Variants in OLFM2 observed in about 807,000 individuals in gnomAD.
OLFM2 encodes the protein noelin-2.
OLFM2 carries 20 observed loss-of-function variants against 43.9 expected under a neutral mutation model. That is an observed-to-expected ratio of 0.46 (90% CI 0.32 to 0.66). The LOEUF (loss-of-function observed/expected upper bound fraction) is 0.66, where lower values mean the gene tolerates loss of function less well. Ranked by LOEUF, OLFM2 falls within the 30% of genes least tolerant of loss-of-function variation. The probability of loss-of-function intolerance (pLI) is 0.04; values close to 1 mark genes in which losing one functional copy is unlikely to be tolerated. For missense variants in OLFM2, 416 were observed against 643.6 expected, an observed-to-expected ratio of 0.65 and a Z score of 3.83; for synonymous variants, 268 against 278.6, an observed-to-expected ratio of 0.96 and a Z score of 0.38.
chr19:9,860,477 G>GAA (rs34449861), intron 2 of OLFM2, among the ~76,000 whole-genome samples, 168 bp downstream of exon 2: 280 of 137,944 alleles, frequency 2.0e-3, no homozygotes, highest in Middle Eastern at 3.8e-3. Flanking sequence ...GTGTTAAAAG[G>GAA]AAAAAAAAAA....
In OLFM2 at chr19:9,860,571, G is replaced by A; in HGVS notation, c.213+74C>T. On this transcript the variant is annotated intron_variant, in intron 2 of 5. Coordinates refer to ENST00000264833, the MANE Select transcript of OLFM2 (RefSeq NM_058164.4). The stretch of plus-strand genomic sequence containing the variant: ...GCTGGATATGGCCACTGGCTGACCT[G>A]GATGGGGCTGGAGGGCGGGGTGAGA... 7.3e-6 allele frequency: 11 copies of A among 1,514,406 alleles called. No individual in the cohort carries two copies. The South Asian group carries it at 1.2e-4, about 17-fold the overall frequency. 93.8% of individuals were successfully genotyped at this position (1,514,406 alleles called of 1,614,324 possible). A position where few individuals can be genotyped will look rare whatever the true frequency, so the allele number is the denominator to read the frequency against.
chr19:9,900,989 AGGGAGGGAGGG>A (rs1268306866), intron 1 of OLFM2, among the ~76,000 whole-genome samples: 8 of 30,348 alleles, frequency 2.6e-4, no homozygotes, highest in African/African-American at 1.9e-3. Context: ...GAAGGAAGGA[AGGGAGGGAGGG>A]GGGAGGGAGG....
chr19:9,857,157 A>C lies in OLFM2; in HGVS notation c.580+106T>G, dbSNP rs1390660214. 37 of 1,156,922 alleles carry C rather than the reference A, an allele frequency of 3.2e-5. No individual in the cohort carries two copies. In the East Asian group the frequency reaches 8.2e-4, roughly 26 times the overall value. The allele number at this position is 1,156,922 out of a possible 1,614,324, so 71.7% of individuals were successfully genotyped here. ...AGGAAGGTCAAGGGTTGAGGTTTAA[A>C]AGTTAGAGGTCAAAACTGTGTCCAG... On this transcript the variant is annotated intron_variant, in intron 4 of 5. Coordinates refer to ENST00000264833, the MANE Select transcript of OLFM2 (RefSeq NM_058164.4). This position sits in a 1 kb window ranked among gnomAD's most constrained non-coding sequence, Gnocchi z 5.7.
intron 1 of OLFM2, among the ~76,000 whole-genome samples, chr19:9,888,589 C>A: frequency 6.6e-6 from 1 of 151,798 alleles, no homozygotes; most frequent in South Asian, 2.1e-4. Flanking sequence ...GCCCCAGCAC[C>A]CCCCATCCAC....
intron 1 of OLFM2, among the ~76,000 whole-genome samples, chr19:9,924,103 C>CA (rs1047796253): frequency 0.076 from 1,568 of 20,656 alleles, 82 homozygotes; most frequent in Non-Finnish European, 0.13. Flanking sequence ...CTCGTCTCTA[C>CA]AAAAAAAAAA....
intron 1 of OLFM2, among the ~76,000 whole-genome samples, chr19:9,914,783 G>A (rs561799096): frequency 6.6e-6 from 1 of 152,160 alleles, no homozygotes; most frequent in South Asian, 2.1e-4. Flanking sequence ...GGAGCGCCGG[G>A]CTAGTTTTAA....
At chr19:9,908,627 C>T (rs906131622) in intron 1 of OLFM2, among the ~76,000 whole-genome samples, 18 of 151,988 alleles carry the variant, frequency 1.2e-4, no homozygotes, top group Non-Finnish European at 2.5e-4. Flanking sequence ...TGCAGGCACC[C>T]GCCACCGTGC....
At chr19:9,934,147 G>T (rs897655186) in intron 1 of OLFM2, among the ~76,000 whole-genome samples, 4 of 152,184 alleles carry the variant, frequency 2.6e-5, no homozygotes, top group Non-Finnish European at 4.4e-5. Flanking sequence ...AGCGAAGAGT[G>T]GGTAGAGCAT....
intron 1 of OLFM2, among the ~76,000 whole-genome samples, chr19:9,893,625 A>T (rs1338393753): frequency 6.6e-6 from 1 of 152,166 alleles, no homozygotes; most frequent in Non-Finnish European, 1.5e-5. Flanking sequence ...ATTTCATGGC[A>T]GAAATTTCCC....
intron 1 of OLFM2, among the ~76,000 whole-genome samples, chr19:9,862,958 C>T (rs1424584720): frequency 6.9e-6 from 1 of 145,324 alleles, no homozygotes; most frequent in Non-Finnish European, 1.5e-5. Flanking sequence ...CACTTTACTC[C>T]AGCCTGGGCA....
intron 1 of OLFM2, among the ~76,000 whole-genome samples, chr19:9,914,420 G>C (rs1223999946): frequency 1.3e-5 from 2 of 152,078 alleles, no homozygotes; most frequent in Non-Finnish European, 2.9e-5. Flanking sequence ...CGGTCATTTC[G>C]TGCCCCCAGG....
At chr19:9,877,135 G>C (rs1488075283) in intron 1 of OLFM2, among the ~76,000 whole-genome samples, 1 of 151,090 alleles carries the variant, frequency 6.6e-6, no homozygotes, top group Admixed American at 6.6e-5. Flanking sequence ...GAGGCTGAGG[G>C]ATGAGAATCG....
chr19:9,911,867 A>G (rs1173405513), intron 1 of OLFM2, among the ~76,000 whole-genome samples: 1 of 152,200 alleles, frequency 6.6e-6, no homozygotes, highest in Non-Finnish European at 1.5e-5. Context: ...TCAGATGGCA[A>G]CGGCAAGAAG....
At chr19:9,860,920 C>A (rs2046361764) in intron 1 of OLFM2, 126 bp from the exon 2 acceptor site, 4 of 962,598 alleles carry the variant, frequency 4.2e-6, no homozygotes, top group Non-Finnish European at 4.5e-6. Flanking sequence ...TATGCCAGTG[C>A]CTGTTGTGTG....
At chr19:9,922,395 T>C (rs1261071096) in intron 1 of OLFM2, among the ~76,000 whole-genome samples, 1 of 152,030 alleles carries the variant, frequency 6.6e-6, no homozygotes, top group Non-Finnish European at 1.5e-5. Flanking sequence ...TCAATAAACA[T>C]ATGCAAAGGC....
intron 1 of OLFM2, among the ~76,000 whole-genome samples, chr19:9,871,799 G>A (rs1017516923): frequency 6.6e-6 from 1 of 152,174 alleles, no homozygotes; most frequent in African/African-American, 2.4e-5. Flanking sequence ...GGGGAGCGGG[G>A]AGTTTTGTTT....
chr19:9,923,576 A>AAAAG (rs1223928278), intron 1 of OLFM2, among the ~76,000 whole-genome samples: 14 of 150,810 alleles, frequency 9.3e-5, no homozygotes, highest in South Asian at 4.2e-4. Context: ...AAAAAGAAAG[A>AAAAG]AAAGAAAGAA....
At chr19:9,901,958 AT>A (rs1437917936) in intron 1 of OLFM2, among the ~76,000 whole-genome samples, 1 of 152,156 alleles carries the variant, frequency 6.6e-6, no homozygotes, top group African/African-American at 2.4e-5. Context: ...CAAACATTCT[AT>A]TTCCATAGAT....
chr19:9,916,465 C>G (rs1451434702), intron 1 of OLFM2, among the ~76,000 whole-genome samples: 1 of 152,192 alleles, frequency 6.6e-6, no homozygotes, highest in Admixed American at 6.5e-5. Flanking sequence ...CATCCATAAA[C>G]AGTACAGTGA....
Sources: gnomAD v4.1 joint callset for allele counts (sites outside exome capture counted in the v4.1 genomes callset) on GRCh38, gnomAD v4.1.1 for gene constraint, Gnocchi (gnomAD v3.1) non-coding constraint, MANE v1.5 for transcripts, NCBI Gene and HGNC (gene_info 2026-07-23, HGNC 2026-07-21) for gene names.